Variants in EYS observed in about 807,000 individuals in gnomAD.
EYS encodes protein eyes shut homolog.
In EYS, 250 loss-of-function variants were observed where a neutral mutation model predicts 282.1. The observed-to-expected ratio is 0.89, with a 90% confidence interval of 0.80 to 0.98. The LOEUF is 0.98. EYS is among the 50% of genes least tolerant of loss of function. The pLI, the probability that EYS is intolerant of heterozygous loss-of-function variation, is 0.00. For synonymous variants in EYS, 1,355 were observed against 1,282.9 expected, an observed-to-expected ratio of 1.06 and a Z score of -1.20; for missense variants, 4,016 against 3,709.0, an observed-to-expected ratio of 1.08 and a Z score of -2.15.
intron 12 of EYS, among the ~76,000 whole-genome samples, chr6:65,177,929 C>G (rs971672830): frequency 3.7e-4 from 56 of 151,908 alleles, no homozygotes; most frequent in African/African-American, 1.3e-3. Flanking sequence ...TTTTTTTTCT[C>G]CACAGATCAT....
At chr6:64,952,698 TCTTA>T (rs1451143183) in intron 14 of EYS, among the ~76,000 whole-genome samples, 1 of 152,194 alleles carries the variant, frequency 6.6e-6, no homozygotes, top group East Asian at 1.9e-4. Flanking sequence ...GCATACCTTC[TCTTA>T]CTTACTGTTT....
chr6:65,545,779 T>C (rs1469293792), intron 2 of EYS, among the ~76,000 whole-genome samples: 1 of 152,076 alleles, frequency 6.6e-6, no homozygotes, highest in Non-Finnish European at 1.5e-5. Context: ...GACCATCAAA[T>C]AAAATTTACA....
At chr6:63,763,953 GCCTCCCTCCCTC>G (rs770695143) in intron 40 of EYS, among the ~76,000 whole-genome samples, 1 of 145,268 alleles carries the variant, frequency 6.9e-6, no homozygotes, top group South Asian at 2.2e-4. Context: ...GCCCCCTCCG[GCCTCCCTCCCTC>G]CCTCACTCCC....
chr6:64,454,664 G>T (rs946361499), intron 26 of EYS, among the ~76,000 whole-genome samples: 1 of 152,092 alleles, frequency 6.6e-6, no homozygotes, highest in Admixed American at 6.6e-5. Flanking sequence ...GTTGTGTGGG[G>T]ACACTTTTCA....
chr6:64,213,225 TA>T (rs1281032738), intron 31 of EYS, among the ~76,000 whole-genome samples: 4 of 151,990 alleles, frequency 2.6e-5, no homozygotes, highest in Non-Finnish European at 2.9e-5. Flanking sequence ...ACTTAAAAGT[TA>T]AAAAAAATTT....
chr6:64,720,998 T>A (rs1378989168), intron 22 of EYS, among the ~76,000 whole-genome samples: 1 of 32,000 alleles, frequency 3.1e-5, no homozygotes, highest in African/African-American at 6.2e-5. Context: ...TGAAAATAAG[T>A]AATAAGGTGT....
intron 14 of EYS, among the ~76,000 whole-genome samples, chr6:64,996,984 A>G (rs998273816): frequency 6.6e-6 from 1 of 152,174 alleles, no homozygotes; most frequent in Non-Finnish European, 1.5e-5. Flanking sequence ...CACCTTGAGT[A>G]GGTGTTTTTA....
At chr6:64,908,499 G>A (rs1281269474) in intron 16 of EYS, among the ~76,000 whole-genome samples, 2 of 151,958 alleles carry the variant, frequency 1.3e-5, no homozygotes, top group Non-Finnish European at 2.9e-5. Flanking sequence ...GCCTTTCTGG[G>A]TACCCACACT....
chr6:65,137,230 C>T (rs896609787), intron 12 of EYS, among the ~76,000 whole-genome samples: 1 of 152,054 alleles, frequency 6.6e-6, no homozygotes, highest in African/African-American at 2.4e-5. Context: ...GAAATTCACT[C>T]TAGTTTCTCT....
chr6:64,810,125 A>C (rs2150013874), intron 22 of EYS, among the ~76,000 whole-genome samples: 1 of 152,222 alleles, frequency 6.6e-6, no homozygotes, highest in East Asian at 1.9e-4. Flanking sequence ...TAAGACAAAT[A>C]GAATAATTTT....
chr6:64,346,378 A>T (rs1180113135), intron 29 of EYS, among the ~76,000 whole-genome samples: 2 of 152,106 alleles, frequency 1.3e-5, no homozygotes, highest in Admixed American at 6.6e-5. Flanking sequence ...AGCCATAAAA[A>T]ATGATGAGTT....
rs529157939 is a variant in EYS, at chr6:64,458,766, C to T, written c.5645-19414G>A. Among the ~76,000 whole-genome samples the T allele has an allele frequency of 2.0e-5, 3 of 152,186 alleles. No homozygotes were observed. In the East Asian group the frequency reaches 5.8e-4, roughly 29 times the overall value. ...AGTACTACTGTATCATCTTGTTCCA[C>T]CCCTCCATGGAAATCCTCTGATCCC... On this transcript the variant is annotated intron_variant, in intron 26 of 42. Transcript: ENST00000503581.
intron 22 of EYS, among the ~76,000 whole-genome samples, chr6:64,675,093 A>T (rs1335460542): frequency 6.6e-6 from 1 of 152,212 alleles, no homozygotes; most frequent in African/African-American, 2.4e-5. Context: ...TACAAGTTTT[A>T]ATTAATGGCT....
chr6:64,399,142 A>G (rs1773470304), intron 28 of EYS, among the ~76,000 whole-genome samples: 2 of 151,818 alleles, frequency 1.3e-5, no homozygotes, highest in Admixed American at 1.3e-4. Flanking sequence ...TTTCTTATAA[A>G]TGAAACACAT....
chr6:65,675,411 G>T (rs1265923445), intron 1 of EYS, among the ~76,000 whole-genome samples: 1 of 151,798 alleles, frequency 6.6e-6, no homozygotes, highest in Non-Finnish European at 1.5e-5. Context: ...GGTTGAAAAT[G>T]AAAGGATGAA....
At chr6:64,239,737 G>T (rs1490110902) in intron 30 of EYS, among the ~76,000 whole-genome samples, 2 of 151,940 alleles carry the variant, frequency 1.3e-5, no homozygotes, top group Admixed American at 6.6e-5. Context: ...TTCTTTTGCT[G>T]TGCTGAAGCT....
chr6:64,437,457 A>G (rs1774791273), intron 27 of EYS, among the ~76,000 whole-genome samples: 1 of 151,676 alleles, frequency 6.6e-6, no homozygotes, highest in African/African-American at 2.4e-5. Context: ...TAATTTGTCA[A>G]TCTCCATCTT....
intron 35 of EYS, among the ~76,000 whole-genome samples, chr6:63,868,360 C>T (rs1158232324): frequency 6.6e-6 from 1 of 152,044 alleles, no homozygotes; most frequent in Non-Finnish European, 1.5e-5. Flanking sequence ...AAGAAGCTGG[C>T]TTGAAAAGGG....
intron 2 of EYS, among the ~76,000 whole-genome samples, chr6:65,562,335 T>C (rs1251924112): frequency 6.6e-6 from 1 of 152,016 alleles, no homozygotes. Flanking sequence ...CATGGGGTCA[T>C]AGCCAAACAA....
Sources: gnomAD v4.1 joint callset for allele counts (sites outside exome capture counted in the v4.1 genomes callset) on GRCh38, gnomAD v4.1.1 for gene constraint, MANE v1.5 for transcripts, NCBI Gene and HGNC (gene_info 2026-07-23, HGNC 2026-07-21) for gene names.